The following MLLT1 variants were observed in gnomAD, a reference collection of about 807,000 sequenced individuals.
MLLT1 encodes MLLT1 super elongation complex subunit, also known as protein ENL.
Under a neutral mutation model 55.1 loss-of-function variants are expected in MLLT1, and 11 were observed. The ratio of observed to expected loss-of-function variants is 0.20; its 90% confidence interval spans 0.13 to 0.33. The LOEUF (loss-of-function observed/expected upper bound fraction) is 0.33. Ranked by LOEUF, MLLT1 falls within the 10% of genes least tolerant of loss-of-function variation. The pLI is 1.00. For missense variants in MLLT1, 536 were observed against 760.6 expected, an observed-to-expected ratio of 0.70 and a Z score of 3.47; for synonymous variants, 323 against 320.1, an observed-to-expected ratio of 1.01 and a Z score of -0.10.
intron 2 of MLLT1, among the ~76,000 whole-genome samples, chr19:6,267,726 G>C (rs2144953923): frequency 6.6e-6 from 1 of 152,272 alleles, no homozygotes; most frequent in South Asian, 2.1e-4. Flanking sequence ...CCTACTGCTA[G>C]TTCCCAACTC....
chr19:6,247,268 G>C (rs1289458690), intron 3 of MLLT1, among the ~76,000 whole-genome samples: 1 of 152,166 alleles, frequency 6.6e-6, no homozygotes, highest in Non-Finnish European at 1.5e-5. Flanking sequence ...AGCACACTTA[G>C]CTCCCAGATC....
chr19:6,218,873 C>T (rs574928508), intron 6 of MLLT1, among the ~76,000 whole-genome samples: 56 of 152,310 alleles, frequency 3.7e-4, no homozygotes, highest in Admixed American at 9.8e-4. Flanking sequence ...GAGGACATGG[C>T]GGGCCCAGGG....
chr19:6,276,929 G>C (rs376418470), intron 1 of MLLT1, among the ~76,000 whole-genome samples: 1 of 152,280 alleles, frequency 6.6e-6, no homozygotes, highest in African/African-American at 2.4e-5. Context: ...CTTCTTAGGG[G>C]GGTCTGAAAG....
chr19:6,212,183 T>G lies in MLLT1; in HGVS notation c.*859A>C. ...CGGAGACTGTTGGCGCTAGTCTGAG[T>G]AGAGCCCGAGAGCAGACTGGTGGCT... On this transcript the variant is annotated 3_prime_UTR_variant, in exon 12 of 12. Coordinates refer to ENST00000252674, the MANE Select transcript of MLLT1 (RefSeq NM_005934.4). 1.9e-6 allele frequency: 2 copies of G among 1,065,948 alleles called. No individual in the cohort carries two copies. The highest frequency in any genetic ancestry group is 9.1e-5 in the South Asian group (2 of 21,974). The allele number at this position is 1,065,948 out of a possible 1,614,324, so 66.0% of individuals were successfully genotyped here.
rs780522430 is a variant in MLLT1 at position 6,227,925 on chromosome 19, C to T, written c.421-823G>A. Among the ~76,000 whole-genome samples the T allele has an allele frequency of 9.9e-5, 15 of 152,110 alleles. No homozygotes were observed. Among genetic ancestry groups the T allele is most frequent in the Non-Finnish European group, 2.1e-4 (14 of 68,008 alleles). ...CAAGAGAGAACAAAAGAAGAAAATA[C>T]ACTTCAAAAAAAAAGTATTGAAGTC... On this transcript the variant is annotated intron_variant, in intron 4 of 11. Coordinates refer to ENST00000252674, the MANE Select transcript of MLLT1 (RefSeq NM_005934.4). The surrounding 1 kb of genome is among the most constrained non-coding windows in gnomAD (Gnocchi z 5.1).
chr19:6,217,340 T>C (rs2090855252), intron 7 of MLLT1, among the ~76,000 whole-genome samples: 1 of 152,160 alleles, frequency 6.6e-6, no homozygotes, highest in South Asian at 2.1e-4. Context: ...GCTTTTTGCC[T>C]GGGAGTGGGT....
intron 8 of MLLT1, among the ~76,000 whole-genome samples, chr19:6,215,481 G>A (rs948772895): frequency 1.3e-5 from 2 of 152,164 alleles, no homozygotes; most frequent in Non-Finnish European, 2.9e-5. Flanking sequence ...CCCCCGCAGT[G>A]AGCCACTGCT....
chr19:6,247,783 A>T (rs1481507863), intron 3 of MLLT1, among the ~76,000 whole-genome samples: 2 of 152,182 alleles, frequency 1.3e-5, no homozygotes, highest in African/African-American at 4.8e-5. Flanking sequence ...AGCATCCCTA[A>T]TCTGAAAATC....
At position 6,223,224 on chromosome 19, in the gene MLLT1, C is replaced by G. The variant is rs145709616; in HGVS notation, c.547-540G>C. Among the ~76,000 whole-genome samples the G allele has an allele frequency of 1.2e-3, 189 of 152,334 alleles. 3 individuals are homozygous for G. In the East Asian group the frequency reaches 0.028, roughly 23 times the overall value. ...CCCTCTCCCCAGGACTCCACACCCC[C>G]AGGGTCCAGCCAGCTCAGGCCTGGC... On this transcript the variant is annotated intron_variant, in intron 5 of 11. Transcript: ENST00000252674.
intron 3 of MLLT1, among the ~76,000 whole-genome samples, chr19:6,242,483 A>G (rs1001343511): frequency 1.3e-5 from 2 of 152,188 alleles, no homozygotes; most frequent in Non-Finnish European, 2.9e-5. Flanking sequence ...TCCCTGTCCA[A>G]TGACAGCTTG....
intron 3 of MLLT1, among the ~76,000 whole-genome samples, chr19:6,260,150 A>G (rs1435079397): frequency 6.6e-6 from 1 of 151,652 alleles, no homozygotes; most frequent in African/African-American, 2.4e-5. Flanking sequence ...ATCCCAAAAG[A>G]GCAGGCAGGG....
chr19:6,236,130 C>T (rs1471891027), intron 3 of MLLT1, among the ~76,000 whole-genome samples: 1 of 152,170 alleles, frequency 6.6e-6, no homozygotes, highest in Non-Finnish European at 1.5e-5. Flanking sequence ...CCATAAGATC[C>T]CAGCAGGGAT....
rs2090774542 is a variant in MLLT1, at chr19:6,211,761, G to A, written c.*1281C>T. 2.8e-6 allele frequency: 3 copies of A among 1,064,002 alleles called. No individual in the cohort carries two copies. Among genetic ancestry groups the A allele is most frequent in the African/African-American group, 1.6e-5 (1 of 60,980 alleles). The allele number at this position is 1,064,002 out of a possible 1,614,324, so 65.9% of individuals were successfully genotyped here. A position where few individuals can be genotyped will look rare whatever the true frequency, so the allele number is the denominator to read the frequency against. ...AGCCCCTGGGACCCCCAGCCACGAT[G>A]GGCTGGCTCCGCGGGAGCGTCCTGG... On this transcript the variant is annotated 3_prime_UTR_variant, in exon 12 of 12. Coordinates refer to ENST00000252674, the MANE Select transcript of MLLT1 (RefSeq NM_005934.4). The surrounding 1 kb of genome is among the most constrained non-coding windows in gnomAD (Gnocchi z 4.6).
intron 3 of MLLT1, among the ~76,000 whole-genome samples, chr19:6,250,294 T>C (rs900405503): frequency 2.0e-5 from 3 of 152,096 alleles, no homozygotes; most frequent in African/African-American, 4.8e-5. Flanking sequence ...TGTAGAGAAA[T>C]TGGAATGCTT....
At chr19:6,277,870 G>A (rs1231854987) in intron 1 of MLLT1, among the ~76,000 whole-genome samples, 3 of 152,312 alleles carry the variant, frequency 2.0e-5, no homozygotes, top group Admixed American at 6.5e-5. Context: ...GAAGCAACAA[G>A]CTCTGTCCCT....
In MLLT1 at chr19:6,265,064, AC is replaced by A. The variant is rs60565781; in HGVS notation, c.194-2755del. Among the ~76,000 whole-genome samples, 1,237 of 134,324 alleles carry A rather than the reference AC, an allele frequency of 9.2e-3. 22 individuals carry two copies. The highest frequency in any genetic ancestry group is 0.019 in the Middle Eastern group (5 of 258). 88.1% of individuals were successfully genotyped at this position (134,324 alleles called of 152,430 possible). A position where few individuals can be genotyped will look rare whatever the true frequency, so the allele number is the denominator to read the frequency against. On this transcript the variant is annotated intron_variant, in intron 2 of 11. Coordinates refer to ENST00000252674, the MANE Select transcript of MLLT1 (RefSeq NM_005934.4). ...AAAAAAAAAACAAAAAAACAAAAAA[AC>A]AAAAAAAAACATGATGTCATAAAGC...
Position 6,227,131 on chromosome 19 carries a change from C to T in MLLT1, c.421-29G>A, listed in dbSNP as rs746750733. The T allele has an allele frequency of 5.1e-6, 8 of 1,579,274 alleles. No homozygotes were observed. Among genetic ancestry groups the T allele is most frequent in the East Asian group, 2.4e-5 (1 of 41,170 alleles). ...GTGACAGAGAAGAGACAGTCATTAT[C>T]GATGGGCAGGGGGCAGGGGGCCCAC... is the stretch of plus-strand genomic sequence containing the variant. On this transcript the variant is annotated intron_variant, in intron 4 of 11. Transcript: ENST00000252674. The surrounding 1 kb of genome is among the most constrained non-coding windows in gnomAD (Gnocchi z 5.1).
rs370234870 is a variant in MLLT1 at position 6,257,747 on chromosome 19, G to C, written c.276+4481C>G. Among the ~76,000 whole-genome samples the C allele has an allele frequency of 1.3e-3, 194 of 151,478 alleles. 1 individual carries two copies. Among genetic ancestry groups the C allele is most frequent in the Admixed American group, 4.7e-3 (71 of 15,238 alleles). On this transcript the variant is annotated intron_variant, in intron 3 of 11. Coordinates refer to ENST00000252674, the MANE Select transcript of MLLT1 (RefSeq NM_005934.4). ...ACCCAGGAGGCAGAGGTTGTAGTGA[G>C]CCGAGATGGCGCCACTGCACTCCAG...
At chr19:6,248,745 C>A (rs147859600) in intron 3 of MLLT1, among the ~76,000 whole-genome samples, 50 of 152,270 alleles carry the variant, frequency 3.3e-4, no homozygotes, top group African/African-American at 1.1e-3. Flanking sequence ...CTGGGAAACC[C>A]AAGGCAAGTC....
Sources: gnomAD v4.1 joint callset for allele counts (sites outside exome capture counted in the v4.1 genomes callset) on GRCh38, gnomAD v4.1.1 for gene constraint, Gnocchi (gnomAD v3.1) non-coding constraint, MANE v1.5 for transcripts, NCBI Gene and HGNC (gene_info 2026-07-23, HGNC 2026-07-21) for gene names.